The following CACNA2D3 variants were observed in gnomAD, a reference collection of about 807,000 sequenced individuals.
CACNA2D3 encodes voltage-dependent calcium channel subunit alpha-2/delta-3.
CACNA2D3 carries 60 observed loss-of-function variants against 160.6 expected under a neutral mutation model. The ratio of observed to expected loss-of-function variants is 0.37; its 90% CI spans 0.30 to 0.46. The LOEUF (loss-of-function observed/expected upper bound fraction) is 0.46, where lower values mean the gene tolerates loss of function less well. Ranked by LOEUF, CACNA2D3 falls within the 20% of genes least tolerant of loss-of-function variation. The pLI is 1.00. For synonymous variants in CACNA2D3, 558 were observed against 492.9 expected (o/e 1.13, Z -1.75); for missense variants, 1,205 against 1,365.0 (o/e 0.88, Z 1.85).
chr3:54,841,928 C>T (rs570231421), intron 16 of CACNA2D3, among the ~76,000 whole-genome samples: 1 of 152,312 alleles, frequency 6.6e-6, no homozygotes, highest in South Asian at 2.1e-4. Flanking sequence ...AGCCCAAGTG[C>T]TGGAAGGCCT....
At chr3:54,822,803 CTTT>C (rs1703658857) in intron 14 of CACNA2D3, among the ~76,000 whole-genome samples, 9 of 78,732 alleles carry the variant, frequency 1.1e-4, no homozygotes, top group Non-Finnish European at 1.8e-4. Context: ...TTCTTTCTTT[CTTT>C]CTTTCTTTCT....
intron 27 of CACNA2D3, among the ~76,000 whole-genome samples, chr3:54,962,297 A>C (rs1477400655): frequency 6.6e-6 from 1 of 152,190 alleles, no homozygotes; most frequent in Non-Finnish European, 1.5e-5. Flanking sequence ...CTTGGCTGAT[A>C]GCATGATTTT....
chr3:54,392,871 A>C (rs1344019612), intron 4 of CACNA2D3, among the ~76,000 whole-genome samples: 1 of 152,188 alleles, frequency 6.6e-6, no homozygotes, highest in Admixed American at 6.5e-5. Context: ...CCACTAGGAA[A>C]AGGAAGCCTT....
intron 13 of CACNA2D3, among the ~76,000 whole-genome samples, chr3:54,808,322 A>G (rs1041080591): frequency 6.6e-6 from 1 of 152,176 alleles, no homozygotes; most frequent in Non-Finnish European, 1.5e-5. Flanking sequence ...TGGGGTCAGA[A>G]GACACCATGG....
At chr3:54,608,863 G>A (rs1416382740) in intron 9 of CACNA2D3, among the ~76,000 whole-genome samples, 1 of 152,200 alleles carries the variant, frequency 6.6e-6, no homozygotes, top group Non-Finnish European at 1.5e-5. Flanking sequence ...AGTAGTGTGG[G>A]GAGGTGAATG....
chr3:54,794,850 GCAGTATTACA>G (rs1475749304), intron 13 of CACNA2D3, among the ~76,000 whole-genome samples: 47 of 151,960 alleles, frequency 3.1e-4, no homozygotes, highest in Non-Finnish European at 5.9e-5. Flanking sequence ...TATGTTTTCA[GCAGTATTACA>G]CAGTGCCTTG....
At chr3:54,977,488 A>G (rs974497932) in intron 29 of CACNA2D3, among the ~76,000 whole-genome samples, 5 of 152,234 alleles carry the variant, frequency 3.3e-5, no homozygotes, top group African/African-American at 1.2e-4. Context: ...GCAAACAGAA[A>G]GATATTGACC....
intron 2 of CACNA2D3, among the ~76,000 whole-genome samples, chr3:54,141,539 G>A (rs137908768): frequency 7.2e-5 from 11 of 152,332 alleles, no homozygotes; most frequent in African/African-American, 2.6e-4. Flanking sequence ...AGGCAGAGGG[G>A]CTGAAGTGTG....
At position 54,570,235 on chromosome 3, in the gene CACNA2D3, T is replaced by G; in HGVS notation, c.888+131T>G. 3.1e-6 allele frequency: 3 copies of G among 965,248 alleles called. No homozygotes were observed. In the South Asian group the frequency reaches 4.7e-5, roughly 15 times the overall value. 59.8% of individuals were successfully genotyped at this position (965,248 alleles called of 1,614,324 possible). On this transcript the variant is annotated intron_variant, in intron 8 of 37. Coordinates refer to ENST00000474759, the MANE Select transcript of CACNA2D3 (RefSeq NM_018398.3). ...AGAACATGAGGCCTGGTTAGTCTCA[T>G]GAAAGTTGACAGAGTCATGGACAGT... is the stretch of plus-strand genomic sequence containing the variant.
At chr3:54,342,510 A>G (rs189274825) in intron 3 of CACNA2D3, among the ~76,000 whole-genome samples, 2 of 152,124 alleles carry the variant, frequency 1.3e-5, no homozygotes, top group Admixed American at 6.6e-5. Flanking sequence ...GGTGGATAGG[A>G]GTGGGGTAGA....
chr3:54,953,370 A>C (rs1167429409), intron 27 of CACNA2D3, among the ~76,000 whole-genome samples: 1 of 152,166 alleles, frequency 6.6e-6, no homozygotes, highest in Non-Finnish European at 1.5e-5. Context: ...GAAACTGCTA[A>C]AGTGGTGGGG....
intron 5 of CACNA2D3, among the ~76,000 whole-genome samples, chr3:54,530,784 A>G (rs1336598989): frequency 6.6e-6 from 1 of 152,168 alleles, no homozygotes; most frequent in Non-Finnish European, 1.5e-5. Context: ...ACCATATGCA[A>G]TATTGCCTGA....
intron 13 of CACNA2D3, among the ~76,000 whole-genome samples, chr3:54,807,716 A>G (rs1703170273): frequency 6.6e-6 from 1 of 151,988 alleles, no homozygotes; most frequent in African/African-American, 2.4e-5. Flanking sequence ...TATATACCCA[A>G]AGGACTATAA....
intron 27 of CACNA2D3, among the ~76,000 whole-genome samples, chr3:54,943,919 GT>G (rs1444981166): frequency 6.6e-6 from 1 of 152,106 alleles, no homozygotes; most frequent in Non-Finnish European, 1.5e-5. Flanking sequence ...ACATTTTCCA[GT>G]AGTTTACTAA....
At chr3:54,438,911 T>C (rs1028381271) in intron 4 of CACNA2D3, among the ~76,000 whole-genome samples, 7 of 152,202 alleles carry the variant, frequency 4.6e-5, no homozygotes, top group Non-Finnish European at 7.3e-5. Flanking sequence ...CTGGTAAGAA[T>C]TGAATATTGG....
intron 16 of CACNA2D3, among the ~76,000 whole-genome samples, chr3:54,845,305 T>C (rs1187260363): frequency 6.6e-6 from 1 of 152,240 alleles, no homozygotes; most frequent in African/African-American, 2.4e-5. Context: ...GACAGGGTCA[T>C]TCCTGGTTTG....
At chr3:54,679,056 G>A (rs1700296760) in intron 11 of CACNA2D3, among the ~76,000 whole-genome samples, 1 of 152,132 alleles carries the variant, frequency 6.6e-6, no homozygotes, top group South Asian at 2.1e-4. Flanking sequence ...TGGGAAACAT[G>A]GTTCAAGACT....
intron 4 of CACNA2D3, 45 bp downstream of exon 4, chr3:54,386,819 C>T: frequency 6.6e-7 from 1 of 1,511,254 alleles, no homozygotes; most frequent in Non-Finnish European, 9.0e-7. Context: ...GTGTTTCCTG[C>T]CAAAGGACAA....
intron 2 of CACNA2D3, among the ~76,000 whole-genome samples, chr3:54,256,412 G>T (rs975952464): frequency 6.6e-6 from 1 of 152,166 alleles, no homozygotes; most frequent in African/African-American, 2.4e-5. Context: ...GCATAAATGG[G>T]CTAGGGGGCC....
Sources: allele counts gnomAD v4.1 joint callset (sites outside exome capture counted in the v4.1 genomes callset), GRCh38; gene constraint gnomAD v4.1.1; transcripts MANE v1.5; gene names NCBI Gene and HGNC (gene_info 2026-07-23, HGNC 2026-07-21).